The following CEP128 variants were observed in gnomAD, a reference collection of about 807,000 sequenced individuals.
The protein encoded by CEP128 is centrosomal protein 128kDa.
CEP128 carries 132 observed loss-of-function variants against 156.7 expected under a neutral mutation model. The observed-to-expected ratio is 0.84, with a 90% CI of 0.73 to 0.97. The LOEUF (loss-of-function observed/expected upper bound fraction) is 0.97, where lower values mean the gene tolerates loss of function less well. CEP128 is among the 50% of genes least tolerant of loss of function. The pLI, the probability that CEP128 is intolerant of heterozygous loss-of-function variation, is 0.00. For missense variants in CEP128, 1,252 were observed against 1,281.9 expected (o/e 0.98, Z 0.36); for synonymous variants, 469 against 448.9 (o/e 1.04, Z -0.57).
chr14:80,951,800 G>GA (rs969364630), intron 2 of CEP128, among the ~76,000 whole-genome samples: 3 of 152,036 alleles, frequency 2.0e-5, no homozygotes, highest in Non-Finnish European at 1.5e-5. Flanking sequence ...GTTAAAGTAT[G>GA]AAAAAATCAT....
intron 8 of CEP128, among the ~76,000 whole-genome samples, chr14:80,885,321 CCT>C (rs1888744158): frequency 1.3e-5 from 2 of 152,314 alleles, no homozygotes; most frequent in African/African-American, 4.8e-5. Context: ...ACCCCCGTGC[CCT>C]CTGACTGGGA....
At chr14:80,683,612 T>C (rs1415743286) in intron 19 of CEP128, among the ~76,000 whole-genome samples, 1 of 152,082 alleles carries the variant, frequency 6.6e-6, no homozygotes, top group Non-Finnish European at 1.5e-5. Flanking sequence ...ACACTACCAA[T>C]TAGACTTAAC....
intron 18 of CEP128, among the ~76,000 whole-genome samples, chr14:80,756,459 T>C (rs1442301464): frequency 6.6e-6 from 1 of 152,204 alleles, no homozygotes; most frequent in Non-Finnish European, 1.5e-5. Flanking sequence ...GTCATTGTTC[T>C]ACCCAAAACT....
intron 13 of CEP128, among the ~76,000 whole-genome samples, chr14:80,810,337 A>AAAAAAAAAAAAAAAAAAAAAC (rs1884447582): frequency 6.8e-6 from 1 of 147,466 alleles, no homozygotes; most frequent in African/African-American, 2.5e-5. Context: ...AAAAAAAAAA[A>AAAAAAAAAAAAAAAAAAAAAC]AAAAAAAAAA....
Position 80,801,923 on chromosome 14 carries a change from A to C in CEP128, c.1210-8813T>G, listed in dbSNP as rs1311787509. On this transcript the variant is annotated intron_variant, in intron 13 of 24. Coordinates refer to ENST00000555265, the MANE Select transcript of CEP128 (RefSeq NM_152446.5). The stretch of plus-strand genomic sequence containing the variant: ...ACTCTGTCTCCCCAAAAAAAAAAAA[A>C]AAAAAAAAAAAAAAGCTCAACATCA... Among the ~76,000 whole-genome samples the C allele has an allele frequency of 5.4e-3, 798 of 149,134 alleles. 25 individuals carry two copies. Among genetic ancestry groups the C allele is most frequent in the African/African-American group, 0.019 (769 of 40,766 alleles).
At position 80,607,489 on chromosome 14, in the gene CEP128, G is replaced by C. The variant is rs867953516; in HGVS notation, c.2807-27066C>G. ...ACTTTAAAGTGTTCACATGCACAAA[G>C]CTGGACTGACCATCTACCCTAGGTG... On this transcript the variant is annotated intron_variant, in intron 19 of 24. Coordinates refer to ENST00000555265, the MANE Select transcript of CEP128 (RefSeq NM_152446.5). Among the ~76,000 whole-genome samples, 9 of 152,226 alleles carry C rather than the reference G, an allele frequency of 5.9e-5. No homozygotes were observed. In the South Asian group the frequency reaches 1.9e-3, roughly 32 times the overall value.
In CEP128 at chr14:80,584,801, A is replaced by G. The variant is rs549838079; in HGVS notation, c.2807-4378T>C. 1.3e-3 allele frequency among the ~76,000 whole-genome samples: 192 copies of G among 152,284 alleles called. 1 individual carries two copies. The highest frequency in any genetic ancestry group is 4.5e-3 in the African/African-American group (185 of 41,566). On this transcript the variant is annotated intron_variant, in intron 19 of 24. Coordinates refer to ENST00000555265, the MANE Select transcript of CEP128 (RefSeq NM_152446.5). The stretch of plus-strand genomic sequence containing the variant: ...TTGTTGTTTGTTCTTATCAGCATGG[A>G]AAGAGCTGAAGGGCTGCTCTGCTCT...
intron 20 of CEP128, among the ~76,000 whole-genome samples, chr14:80,570,959 T>C (rs1339822989): frequency 2.0e-5 from 3 of 152,178 alleles, no homozygotes; most frequent in African/African-American, 7.2e-5. Context: ...TTTATATTTA[T>C]TTCACTATAT....
At chr14:80,898,280 T>G (rs1313503934) in intron 7 of CEP128, among the ~76,000 whole-genome samples, 1 of 152,226 alleles carries the variant, frequency 6.6e-6, no homozygotes, top group Non-Finnish European at 1.5e-5. Context: ...TTTAACTTCC[T>G]GTCCATTATT....
intron 21 of CEP128, among the ~76,000 whole-genome samples, chr14:80,536,138 A>C (rs1347313615): frequency 6.6e-6 from 1 of 152,164 alleles, no homozygotes; most frequent in African/African-American, 2.4e-5. Context: ...AGGGAAACCA[A>C]ATAATATAGT....
intron 19 of CEP128, among the ~76,000 whole-genome samples, chr14:80,639,811 T>C (rs1894336228): frequency 6.6e-6 from 1 of 152,138 alleles, no homozygotes; most frequent in Non-Finnish European, 1.5e-5. Context: ...CAACAGTTTG[T>C]TTTGATGAAG....
intron 23 of CEP128, among the ~76,000 whole-genome samples, chr14:80,514,863 G>C (rs937123379): frequency 6.6e-6 from 1 of 152,134 alleles, no homozygotes; most frequent in African/African-American, 2.4e-5. Context: ...CATCCTTTCT[G>C]AGAAGGGTTT....
intron 14 of CEP128, among the ~76,000 whole-genome samples, chr14:80,792,224 A>G (rs1901745192): frequency 6.6e-6 from 1 of 152,238 alleles, no homozygotes; most frequent in African/African-American, 2.4e-5. Flanking sequence ...AGTCTTGAAG[A>G]GGGTTGTGAT....
chr14:80,801,933 A>AAAAAAAAAAC, intron 13 of CEP128, among the ~76,000 whole-genome samples: 1 of 150,154 alleles, frequency 6.7e-6, no homozygotes. Flanking sequence ...AAAAAAAAAA[A>AAAAAAAAAAC]AAAAGCTCAA....
upstream of CEP128, among the ~76,000 whole-genome samples, chr14:80,944,157 T>A (rs1175697290): frequency 2.0e-5 from 3 of 152,172 alleles, no homozygotes; most frequent in Non-Finnish European, 4.4e-5. Flanking sequence ...TTACTTTTAA[T>A]CAATATGGCC....
At chr14:80,723,959 T>G (rs1463118159) in intron 19 of CEP128, among the ~76,000 whole-genome samples, 3 of 152,168 alleles carry the variant, frequency 2.0e-5, no homozygotes, top group Non-Finnish European at 2.9e-5. Flanking sequence ...TCCATCATCA[T>G]AAAACAGAAC....
intron 16 of CEP128, among the ~76,000 whole-genome samples, chr14:80,774,674 CA>C (rs1233874532): frequency 2.6e-5 from 4 of 151,478 alleles, no homozygotes; most frequent in African/African-American, 9.7e-5. Context: ...CCTCTTTGTC[CA>C]TAATTTACTT....
intron 21 of CEP128, among the ~76,000 whole-genome samples, chr14:80,549,523 T>C (rs996522673): frequency 2.6e-5 from 4 of 152,220 alleles, no homozygotes; most frequent in African/African-American, 9.6e-5. Context: ...AGCTTGATCT[T>C]TGGTTTTAAA....
chr14:80,544,261 G>A (rs1054779028), intron 21 of CEP128, among the ~76,000 whole-genome samples: 1 of 151,950 alleles, frequency 6.6e-6, no homozygotes, highest in East Asian at 1.9e-4. Flanking sequence ...CTTAAACATA[G>A]GGACTCTCTT....
Sources: allele counts gnomAD v4.1 joint callset (sites outside exome capture counted in the v4.1 genomes callset), GRCh38; gene constraint gnomAD v4.1.1; transcripts MANE v1.5; gene names NCBI Gene and HGNC (gene_info 2026-07-23, HGNC 2026-07-21).